Variants in NKAIN3 observed in about 807,000 individuals in gnomAD.
The protein encoded by NKAIN3 is sodium/potassium transporting ATPase interacting 3.
In NKAIN3, 25 loss-of-function variants were observed where a neutral mutation model predicts 30.2. The ratio of observed to expected loss-of-function variants is 0.83; its 90% CI spans 0.60 to 1.16. The LOEUF (loss-of-function observed/expected upper bound fraction) is 1.16. Ranked by LOEUF, NKAIN3 falls within the 50% of genes most tolerant of loss-of-function variation. The probability of loss-of-function intolerance (pLI) is 0.00; values close to 1 mark genes in which losing one functional copy is unlikely to be tolerated. For synonymous variants in NKAIN3, 91 were observed against 89.6 expected (o/e 1.02, Z -0.09); for missense variants, 225 against 254.1 (o/e 0.89, Z 0.78).
intron 3 of NKAIN3, among the ~76,000 whole-genome samples, chr8:62,688,462 A>G (rs532788888): frequency 6.6e-6 from 1 of 152,338 alleles, no homozygotes; most frequent in South Asian, 2.1e-4. Context: ...ACATCCAGTA[A>G]CAGTCCAAAC....
chr8:62,720,262 TATG>T (rs1279644598), intron 3 of NKAIN3, among the ~76,000 whole-genome samples: 2 of 152,218 alleles, frequency 1.3e-5, no homozygotes, highest in African/African-American at 2.4e-5. Flanking sequence ...CCTGATATTT[TATG>T]ATGATTACCT....
Position 62,282,749 on chromosome 8 carries a change from A to C in NKAIN3, c.54+33622A>C, listed in dbSNP as rs184244159. Reference sequence around the variant, plus strand: ...CCTGTGATGGAAACCTTACAACCTTAGTGAAATTGTTTTTGAATATTCAAG... The same window carrying C: ...CCTGTGATGGAAACCTTACAACCTTCGTGAAATTGTTTTTGAATATTCAAG... On this transcript the variant is annotated intron_variant, in intron 1 of 6. Coordinates refer to ENST00000623646, the MANE Select transcript of NKAIN3 (RefSeq NM_001304533.3). Among the ~76,000 whole-genome samples, 70 of 152,270 alleles carry C rather than the reference A, an allele frequency of 4.6e-4. 1 individual carries two copies. The Middle Eastern group carries it at 0.031, about 67-fold the overall frequency.
intron 1 of NKAIN3, among the ~76,000 whole-genome samples, chr8:62,529,111 G>A (rs559392781): frequency 1.3e-5 from 2 of 152,152 alleles, no homozygotes; most frequent in South Asian, 2.1e-4. Context: ...GAACACACTC[G>A]CATGGGCATA....
chr8:62,974,379 C>T lies in NKAIN3; in HGVS notation c.*8972C>T, dbSNP rs1230206883. On this transcript the variant is annotated 3_prime_UTR_variant, in exon 7 of 7. Coordinates refer to ENST00000623646, the MANE Select transcript of NKAIN3 (RefSeq NM_001304533.3). ...TAGTTCTTGAAGAGGTCATTCACAT[C>T]CCTTGTAAGTTGCATTCCTAGGTAT... Among the ~76,000 whole-genome samples the T allele has an allele frequency of 3.3e-5, 5 of 152,166 alleles. No homozygotes were observed. The highest frequency in any genetic ancestry group is 1.2e-4 in the African/African-American group (5 of 41,422).
chr8:62,379,998 T>C (rs976232595), intron 1 of NKAIN3, among the ~76,000 whole-genome samples: 2 of 152,162 alleles, frequency 1.3e-5, no homozygotes, highest in Non-Finnish European at 2.9e-5. Flanking sequence ...TGATATCTCA[T>C]GTCTGAGGCA....
intron 1 of NKAIN3, among the ~76,000 whole-genome samples, chr8:62,564,883 C>A (rs1809701612): frequency 6.6e-6 from 1 of 152,006 alleles, no homozygotes; most frequent in African/African-American, 2.4e-5. Context: ...TTTAGAATAG[C>A]AATAATGTTT....
rs558175349 is a variant in NKAIN3 at position 62,975,304 on chromosome 8, T to A, written c.*9897T>A. ...CCATCTGGTCCTGGGCTTTTTTTTTTAGTTGGTCAGCTATTAATTACTGCC... is the reference window on the plus strand; with the variant it reads ...CCATCTGGTCCTGGGCTTTTTTTTTAAGTTGGTCAGCTATTAATTACTGCC... On this transcript the variant is annotated 3_prime_UTR_variant, in exon 7 of 7. Coordinates refer to ENST00000623646, the MANE Select transcript of NKAIN3 (RefSeq NM_001304533.3). 1.3e-5 allele frequency among the ~76,000 whole-genome samples: 2 copies of A among 152,224 alleles called. No homozygotes were observed. The highest frequency in any genetic ancestry group is 4.8e-5 in the African/African-American group (2 of 41,548).
intron 3 of NKAIN3, among the ~76,000 whole-genome samples, chr8:62,739,421 G>A (rs370535394): frequency 6.6e-6 from 1 of 152,008 alleles, no homozygotes; most frequent in African/African-American, 2.4e-5. Context: ...TTTGTTGTTT[G>A]TTCTTGTGTT....
chr8:62,805,173 C>T (rs1044178795), intron 4 of NKAIN3, among the ~76,000 whole-genome samples: 4 of 151,936 alleles, frequency 2.6e-5, no homozygotes, highest in Non-Finnish European at 4.4e-5. Flanking sequence ...AATGGAAGAA[C>T]ATTCCATGCT....
intron 1 of NKAIN3, among the ~76,000 whole-genome samples, chr8:62,509,094 C>T (rs1807735719): frequency 1.3e-5 from 2 of 152,072 alleles, no homozygotes; most frequent in African/African-American, 4.8e-5. Context: ...AAGTGAAGGA[C>T]ATTTAAAGGA....
intron 3 of NKAIN3, among the ~76,000 whole-genome samples, chr8:62,701,184 A>C (rs116734552): frequency 0.041 from 6,190 of 152,250 alleles, 423 homozygotes; most frequent in African/African-American, 0.14. Flanking sequence ...TTTAATTCAT[A>C]ATGCCACTAT....
intron 4 of NKAIN3, among the ~76,000 whole-genome samples, chr8:62,880,711 A>G (rs1027289023): frequency 6.6e-6 from 1 of 152,210 alleles, no homozygotes; most frequent in Non-Finnish European, 1.5e-5. Context: ...TGGTTTAGGC[A>G]TCTTCCCTAT....
chr8:62,758,618 G>A (rs1223219106), intron 4 of NKAIN3, among the ~76,000 whole-genome samples: 2 of 152,190 alleles, frequency 1.3e-5, no homozygotes, highest in Non-Finnish European at 2.9e-5. Context: ...GCAGCTGGGA[G>A]AAAGAGCTGG....
intron 4 of NKAIN3, among the ~76,000 whole-genome samples, chr8:62,878,871 A>T (rs1397275309): frequency 6.6e-6 from 1 of 152,076 alleles, no homozygotes; most frequent in Non-Finnish European, 1.5e-5. Flanking sequence ...ATAGTATTCC[A>T]TGGTGTATAT....
chr8:62,335,123 C>A (rs979633882), intron 1 of NKAIN3, among the ~76,000 whole-genome samples: 2 of 152,040 alleles, frequency 1.3e-5, no homozygotes, highest in South Asian at 2.1e-4. Flanking sequence ...AGATAGCTTA[C>A]ATTTCTCCCA....
intron 1 of NKAIN3, among the ~76,000 whole-genome samples, chr8:62,372,961 AG>A (rs1816955449): frequency 6.6e-6 from 1 of 152,162 alleles, no homozygotes; most frequent in African/African-American, 2.4e-5. Flanking sequence ...CAGCAGGACA[AG>A]CAAATTCTGC....
At chr8:62,500,484 AGAAGAAAAGAAAGAAAGAAAGAAG>A (rs1287764109) in intron 1 of NKAIN3, among the ~76,000 whole-genome samples, 5 of 133,766 alleles carry the variant, frequency 3.7e-5, no homozygotes, top group African/African-American at 1.5e-4. Context: ...AAAGAAAGAA[AGAAGAAAAGAAAGAAAGAAAGAAG>A]GAAAGAAAGA....
chr8:62,940,934 G>GAA (rs200290938), intron 5 of NKAIN3, among the ~76,000 whole-genome samples: 3 of 142,610 alleles, frequency 2.1e-5, no homozygotes, highest in African/African-American at 7.7e-5. Context: ...CAAATATATT[G>GAA]AAAAAAAAAA....
chr8:62,249,192 C>T (rs1812000772), intron 1 of NKAIN3, 65 bp downstream of exon 1: 2 of 1,360,944 alleles, frequency 1.5e-6, no homozygotes, highest in African/African-American at 1.5e-5. Flanking sequence ...TCTGCGACTC[C>T]CTCTGCGGTT....
Sources: allele counts gnomAD v4.1 joint callset (sites outside exome capture counted in the v4.1 genomes callset), GRCh38; gene constraint gnomAD v4.1.1; transcripts MANE v1.5; gene names NCBI Gene and HGNC (gene_info 2026-07-23, HGNC 2026-07-21).